HSPA14: variants seen among roughly 807,000 people sequenced by gnomAD.
HSPA14 encodes heat shock 70 kDa protein 14.
HSPA14 carries 37 observed loss-of-function variants against 65.5 expected under a neutral mutation model. The ratio of observed to expected loss-of-function variants is 0.56; its 90% confidence interval spans 0.43 to 0.74. The LOEUF is 0.74. Ranked by LOEUF, HSPA14 falls within the 30% of genes least tolerant of loss-of-function variation. The pLI is 0.00. For synonymous variants in HSPA14, 203 were observed against 214.2 expected, an observed-to-expected ratio of 0.95 and a Z score of 0.46; for missense variants, 564 against 607.6, an observed-to-expected ratio of 0.93 and a Z score of 0.75.
At chr10:14,852,780 A>C (rs1834118530) in intron 8 of HSPA14, among the ~76,000 whole-genome samples, 1 of 152,154 alleles carries the variant, frequency 6.6e-6, no homozygotes, top group African/African-American at 2.4e-5. Flanking sequence ...TCAGATACTG[A>C]ACTGCATGAA....
At chr10:14,839,859 C>G in intron 1 of HSPA14, 46 bp from the exon 2 acceptor site, 1 of 1,423,156 alleles carries the variant, frequency 7.0e-7, no homozygotes, top group Non-Finnish European at 9.9e-7. Context: ...ATGCACACGT[C>G]TGAATACGTC....
intron 1 of HSPA14, 170 bp downstream of exon 1, chr10:14,838,629 T>A: frequency 3.3e-6 from 2 of 614,854 alleles, no homozygotes; most frequent in Non-Finnish European, 5.4e-6. Flanking sequence ...GCCTCGCGCC[T>A]GGCGATTCCT....
At chr10:14,859,444 A>G (rs1307098395) in intron 10 of HSPA14, among the ~76,000 whole-genome samples, 1 of 152,218 alleles carries the variant, frequency 6.6e-6, no homozygotes, top group Admixed American at 6.5e-5. Context: ...TGACATCTCA[A>G]ACTCAAGATT....
In HSPA14 at chr10:14,842,282, A is replaced by C. The variant is rs1338302073; in HGVS notation, c.221+2125A>C. ...GCTGCCTAGCCCTCCTTTCCAACCC[A>C]CAATGGCCAGTGCCAATAGCAGTGC... On this transcript the variant is annotated intron_variant, in intron 3 of 13. Transcript: ENST00000378372. This position sits in a 1 kb window ranked among gnomAD's most constrained non-coding sequence, Gnocchi z 5.2. The C allele has an allele frequency of 6.5e-7, 1 of 1,535,050 alleles. No homozygotes were observed. Among genetic ancestry groups the C allele is most frequent in the Non-Finnish European group, 8.7e-7 (1 of 1,146,150 alleles).
rs201767789 is a variant in HSPA14 at position 14,867,283 on chromosome 10, T to C, written c.1194T>C (p.Asp398=). ...TTATGATAGAGTGTTCAGCCAGAGA[T>C]ATTTTAGTTAAGGTATGTTTAGCTT... ...DSLMIECSAR[D]ILVKGVDESG... Residue 398 remains aspartate (D), a synonymous_variant, in exon 11 of 14, where the codon GAT becomes GAC. Coordinates refer to ENST00000378372, the MANE Select transcript of HSPA14 (RefSeq NM_016299.4). The C allele has an allele frequency of 4.5e-5, 72 of 1,612,146 alleles. No homozygotes were observed. The highest frequency in any genetic ancestry group is 1.3e-4 in the South Asian group (12 of 91,014).
At chr10:14,843,677 T>A (rs748578177) in intron 3 of HSPA14, 4 of 1,546,056 alleles carry the variant, frequency 2.6e-6, no homozygotes, top group Non-Finnish European at 3.5e-6. Flanking sequence ...AACAGGCGAT[T>A]GGCACGAGAA....
intron 3 of HSPA14, 87 bp downstream of exon 3, chr10:14,840,244 CAT>C (rs1190727192): frequency 6.4e-6 from 4 of 624,420 alleles, no homozygotes; most frequent in Non-Finnish European, 7.4e-6. Context: ...TTAGAAACAG[CAT>C]AGTTTGTTTC....
chr10:14,862,194 A>AT (rs1378360362), intron 10 of HSPA14, among the ~76,000 whole-genome samples: 1 of 147,576 alleles, frequency 6.8e-6, no homozygotes, highest in Non-Finnish European at 1.5e-5. Context: ...CACCCGGCTA[A>AT]TTTTTTTGTA....
intron 10 of HSPA14, among the ~76,000 whole-genome samples, chr10:14,857,685 T>A (rs1451662472): frequency 6.6e-6 from 1 of 152,240 alleles, no homozygotes; most frequent in Non-Finnish European, 1.5e-5. Context: ...TTTACTTCAC[T>A]ATTTGGTTTT....
intron 11 of HSPA14, among the ~76,000 whole-genome samples, 176 bp from the exon 12 acceptor site, chr10:14,867,560 G>C (rs888868914): frequency 6.6e-6 from 1 of 151,904 alleles, no homozygotes; most frequent in Non-Finnish European, 1.5e-5. Flanking sequence ...TATAGAGAGA[G>C]GTATGTTTCA....
chr10:14,867,268 G>A lies in HSPA14; in HGVS notation c.1179G>A (p.Glu393=), dbSNP rs748720048. ...TGGTGGAAGACTCTCTTATGATAGA[G>A]TGTTCAGCCAGAGATATTTTAGTTA... ...NLLVEDSLMI[E]CSARDILVKG... The change falls in exon 11 of 14, where the codon GAG becomes GAA. Residue 393 remains glutamate (E), a synonymous_variant. Coordinates refer to ENST00000378372, the MANE Select transcript of HSPA14 (RefSeq NM_016299.4). 1.2e-6 allele frequency: 2 copies of A among 1,613,498 alleles called. No homozygotes were observed. Among genetic ancestry groups the A allele is most frequent in the South Asian group, 1.1e-5 (1 of 91,060 alleles).
intron 13 of HSPA14, among the ~76,000 whole-genome samples, chr10:14,871,275 T>C (rs1235545530): frequency 6.6e-6 from 1 of 152,204 alleles, no homozygotes; most frequent in African/African-American, 2.4e-5. Context: ...TTTGTCATCA[T>C]GGGTTTTCAA....
At chr10:14,864,437 T>G (rs1439561847) in intron 10 of HSPA14, among the ~76,000 whole-genome samples, 3 of 152,022 alleles carry the variant, frequency 2.0e-5, no homozygotes, top group Admixed American at 1.3e-4. Flanking sequence ...ACCCATTAAC[T>G]CATCATTTAC....
chr10:14,845,269 T>C, intron 3 of HSPA14: 6 of 985,298 alleles, frequency 6.1e-6, no homozygotes, highest in Non-Finnish European at 7.2e-6. Context: ...TAGGAATCTT[T>C]AGGATTTAAA....
At chr10:14,858,078 A>G (rs1378931368) in intron 10 of HSPA14, among the ~76,000 whole-genome samples, 8 of 152,106 alleles carry the variant, frequency 5.3e-5, no homozygotes, top group Non-Finnish European at 1.2e-4. Context: ...TAATAGTTCT[A>G]GACTGGGCAA....
chr10:14,860,357 T>G (rs1361964408), intron 10 of HSPA14, among the ~76,000 whole-genome samples: 1 of 152,142 alleles, frequency 6.6e-6, no homozygotes, highest in African/African-American at 2.4e-5. Flanking sequence ...TTTGCCTTCA[T>G]AGAACGAACA....
At chr10:14,851,887 A>G (rs1834111132) in intron 7 of HSPA14, among the ~76,000 whole-genome samples, 1 of 152,222 alleles carries the variant, frequency 6.6e-6, no homozygotes, top group Admixed American at 6.5e-5. Context: ...AAGCAAAGAA[A>G]TATGTGTACA....
intron 3 of HSPA14, chr10:14,844,996 T>G: frequency 3.0e-6 from 3 of 985,484 alleles, no homozygotes; most frequent in Non-Finnish European, 3.6e-6. Context: ...TAATGGCATC[T>G]GGTGGAAGAG....
Position 14,842,715 on chromosome 10 carries a change from C to T in HSPA14, c.221+2558C>T, listed in dbSNP as rs147381141. On this transcript the variant is annotated intron_variant, in intron 3 of 13. Coordinates refer to ENST00000378372, the MANE Select transcript of HSPA14 (RefSeq NM_016299.4). The surrounding 1 kb of genome is among the most constrained non-coding windows in gnomAD (Gnocchi z 5.2). ...ACCGGCATTCTAAAATCAAAAAGGA[C>T]TCAGGCAGCTGATCATCAGCCTATC... 6.5e-7 allele frequency: 1 copy of T among 1,536,476 alleles called. No homozygotes were observed. The highest frequency in any genetic ancestry group is 1.4e-5 in the African/African-American group (1 of 73,152).
Sources: allele counts gnomAD v4.1 joint callset (sites outside exome capture counted in the v4.1 genomes callset), GRCh38; gene constraint gnomAD v4.1.1; non-coding constraint Gnocchi (gnomAD v3.1); transcripts MANE v1.5; gene names NCBI Gene and HGNC (gene_info 2026-07-23, HGNC 2026-07-21).